Variants in DNAH9 observed in about 807,000 individuals in gnomAD.
The protein encoded by DNAH9 is DNAH9 variant protein.
Under a neutral mutation model 471.6 loss-of-function variants are expected in DNAH9, and 345 were observed. The ratio of observed to expected loss-of-function variants is 0.73; its 90% CI spans 0.67 to 0.80. The LOEUF is 0.80. Among genes scored for constraint, DNAH9 ranks in the 30% least tolerant of loss-of-function variants. The pLI, the probability that DNAH9 is intolerant of heterozygous loss-of-function variation, is 0.00. For missense variants in DNAH9, 5,407 were observed against 5,609.2 expected (o/e 0.96, Z 1.15); for synonymous variants, 2,093 against 2,123.6 (o/e 0.99, Z 0.40).
At chr17:11,702,636 C>T (rs911034726) in intron 24 of DNAH9, among the ~76,000 whole-genome samples, 2 of 152,090 alleles carry the variant, frequency 1.3e-5, no homozygotes, top group Non-Finnish European at 2.9e-5. Context: ...AAGCAAGAAA[C>T]TGTTGGTAGC....
chr17:11,692,805 A>G (rs890267893), intron 20 of DNAH9, among the ~76,000 whole-genome samples: 1 of 152,186 alleles, frequency 6.6e-6, no homozygotes, highest in Non-Finnish European at 1.5e-5. Context: ...TAGAGATTTG[A>G]CAAAAAGTGA....
intron 41 of DNAH9, among the ~76,000 whole-genome samples, chr17:11,788,857 G>T (rs978254933): frequency 6.6e-6 from 1 of 152,052 alleles, no homozygotes; most frequent in Admixed American, 6.6e-5. Flanking sequence ...CATTAAATAT[G>T]ATATTCTCTA....
In DNAH9 at chr17:11,623,928, G is replaced by A. The variant is rs888902677; in HGVS notation, c.1350+4147G>A. On this transcript the variant is annotated intron_variant, in intron 6 of 68. Coordinates refer to ENST00000262442, the MANE Select transcript of DNAH9 (RefSeq NM_001372.4). The surrounding 1 kb of genome is among the most constrained non-coding windows in gnomAD (Gnocchi z 4.1). ...CACTCTTTTTGCACAAGAGAATTTT[G>A]TTGTGCACATCCACTCTTCCTCTCT... 2.6e-5 allele frequency among the ~76,000 whole-genome samples: 4 copies of A among 151,998 alleles called. No individual in the cohort carries two copies. Among genetic ancestry groups the A allele is most frequent in the South Asian group, 2.1e-4 (1 of 4,796 alleles).
At chr17:11,769,058 C>T in intron 37 of DNAH9, 64 bp from the exon 38 acceptor site, 1 of 1,558,320 alleles carries the variant, frequency 6.4e-7, no homozygotes, top group Non-Finnish European at 8.8e-7. Flanking sequence ...CTTCGGAACG[C>T]CGCTGGTGCA....
rs117090711 is a variant in DNAH9, at chr17:11,771,598, G to A, written c.7552+2269G>A. Among the ~76,000 whole-genome samples, 153 of 152,310 alleles carry A rather than the reference G, an allele frequency of 1.0e-3. 3 individuals are homozygous for A. In the East Asian group the frequency reaches 0.024, roughly 23 times the overall value. On this transcript the variant is annotated intron_variant, in intron 38 of 68. Transcript: ENST00000262442. ...GAAGTCATCACATCAGCACCTGGCA[G>A]TGGCCTTAAGCCGACTTCACCTGTC... is the stretch of plus-strand genomic sequence containing the variant.
chr17:11,618,837 T>C (rs1363779868), intron 5 of DNAH9, among the ~76,000 whole-genome samples: 1 of 152,120 alleles, frequency 6.6e-6, no homozygotes, highest in African/African-American at 2.4e-5. Flanking sequence ...TGGGCTACTG[T>C]TCAAGGAGGT....
At chr17:11,848,905 C>T (rs1284223051) in intron 49 of DNAH9, among the ~76,000 whole-genome samples, 2 of 151,892 alleles carry the variant, frequency 1.3e-5, no homozygotes, top group African/African-American at 4.8e-5. Context: ...GGCATGATCT[C>T]GGCTCACTGC....
chr17:11,748,375 T>C (rs1966987542), intron 32 of DNAH9, among the ~76,000 whole-genome samples: 1 of 152,104 alleles, frequency 6.6e-6, no homozygotes, highest in African/African-American at 2.4e-5. Context: ...TGTAGTTCAC[T>C]GACTCTGGAG....
intron 66 of DNAH9, among the ~76,000 whole-genome samples, chr17:11,939,488 G>C (rs1974827670): frequency 6.6e-6 from 1 of 152,198 alleles, no homozygotes; most frequent in Non-Finnish European, 1.5e-5. Flanking sequence ...ACGTGTGCAG[G>C]TTACTGGGTG....
At chr17:11,958,778 TCTC>T (rs1975820073) in intron 67 of DNAH9, among the ~76,000 whole-genome samples, 1 of 151,776 alleles carries the variant, frequency 6.6e-6, no homozygotes, top group Non-Finnish European at 1.5e-5. Context: ...AGAGAAAACT[TCTC>T]AACAAATTTT....
In DNAH9 at chr17:11,843,863, GTATATATA is replaced by G. The variant is rs61067153; in HGVS notation, c.9507+8986_9507+8993del. Among the ~76,000 whole-genome samples, 62 of 46,466 alleles carry G rather than the reference GTATATATA, an allele frequency of 1.3e-3. 2 individuals are homozygous for G. The Middle Eastern group carries it at 0.088, about 66-fold the overall frequency. 30.5% of individuals were successfully genotyped at this position (46,466 alleles called of 152,430 possible). On this transcript the variant is annotated intron_variant, in intron 49 of 68. Transcript: ENST00000262442. The stretch of plus-strand genomic sequence containing the variant: ...TGTTTGTGTGTGTGTGTGTGTGTGT[GTATATATA>G]TATATATATATATATATATACACAT...
chr17:11,642,636 G>T (rs897013434), intron 10 of DNAH9, among the ~76,000 whole-genome samples: 3 of 152,212 alleles, frequency 2.0e-5, no homozygotes, highest in African/African-American at 7.2e-5. Context: ...AGTGACATGG[G>T]AACTGCAGGA....
intron 49 of DNAH9, among the ~76,000 whole-genome samples, chr17:11,835,659 C>A (rs1292544455): frequency 2.0e-5 from 3 of 152,206 alleles, no homozygotes; most frequent in African/African-American, 7.2e-5. Context: ...CAGAAAGCTG[C>A]CCCCTTTTCT....
intron 15 of DNAH9, 106 bp downstream of exon 15, chr17:11,665,074 A>C: frequency 2.1e-6 from 2 of 959,988 alleles, no homozygotes; most frequent in South Asian, 3.1e-5. Context: ...TTTTCCCAAA[A>C]CGTTGTAGAC....
chr17:11,744,266 A>G (rs1160161240), intron 30 of DNAH9, among the ~76,000 whole-genome samples: 1 of 152,092 alleles, frequency 6.6e-6, no homozygotes, highest in Non-Finnish European at 1.5e-5. Flanking sequence ...TTCCCACACC[A>G]TGCTGCCACC....
Position 11,626,382 on chromosome 17 carries a change from C to G in DNAH9, c.1351-3035C>G, listed in dbSNP as rs4792158. On this transcript the variant is annotated intron_variant, in intron 6 of 68. Coordinates refer to ENST00000262442, the MANE Select transcript of DNAH9 (RefSeq NM_001372.4). The surrounding 1 kb of genome is among the most constrained non-coding windows in gnomAD (Gnocchi z 4.3). ...GATTTAAGGCTAATCAAAGATATAG[C>G]CATGGTCAATGCCATAAGTCTGGTG... is the stretch of plus-strand genomic sequence containing the variant. Among the ~76,000 whole-genome samples the G allele has an allele frequency of 0.16, 23,638 of 152,076 alleles. 2,548 individuals are homozygous for G. Among genetic ancestry groups the G allele is most frequent in the East Asian group, 0.42 (2,159 of 5,146 alleles).
At chr17:11,812,275 T>G (rs1218421335) in intron 45 of DNAH9, among the ~76,000 whole-genome samples, 1 of 150,990 alleles carries the variant, frequency 6.6e-6, no homozygotes, top group East Asian at 1.9e-4. Flanking sequence ...TTCCAGCATC[T>G]CAAAAGCCTT....
chr17:11,757,938 C>T (rs1477223031), intron 35 of DNAH9, among the ~76,000 whole-genome samples: 1 of 152,134 alleles, frequency 6.6e-6, no homozygotes, highest in Non-Finnish European at 1.5e-5. Flanking sequence ...TCGTGAGTGC[C>T]ACGTGGATGT....
chr17:11,843,853 G>GTATATA (rs1326842243), intron 49 of DNAH9, among the ~76,000 whole-genome samples: 2 of 10,666 alleles, frequency 1.9e-4, no homozygotes, highest in Admixed American at 1.9e-3. Context: ...GTGTGTGTGT[G>GTATATA]TGTGTGTGTG....
Sources: gnomAD v4.1 joint callset for allele counts (sites outside exome capture counted in the v4.1 genomes callset) on GRCh38, gnomAD v4.1.1 for gene constraint, Gnocchi (gnomAD v3.1) non-coding constraint, MANE v1.5 for transcripts, NCBI Gene and HGNC (gene_info 2026-07-23, HGNC 2026-07-21) for gene names.